Variants in MYO3B observed in about 807,000 individuals in gnomAD.
MYO3B encodes the protein myosin-IIIb.
Under a neutral mutation model 174.6 loss-of-function variants are expected in MYO3B, and 156 were observed. That is an observed-to-expected ratio of 0.89 (90% CI 0.78 to 1.02). The LOEUF (loss-of-function observed/expected upper bound fraction) is 1.02, where lower values mean the gene tolerates loss of function less well. Among genes scored for constraint, MYO3B ranks in the 50% least tolerant of loss-of-function variants. The pLI, the probability that MYO3B is intolerant of heterozygous loss-of-function variation, is 0.00. For missense variants in MYO3B, 1,632 were observed against 1,639.4 expected, an observed-to-expected ratio of 1.00 and a Z score of 0.08; for synonymous variants, 563 against 569.1, an observed-to-expected ratio of 0.99 and a Z score of 0.15.
chr2:170,391,426 A>G (rs576769253), intron 14 of MYO3B, 94 bp from the exon 15 acceptor site: 11 of 585,336 alleles, frequency 1.9e-5, no homozygotes, highest in East Asian at 1.3e-4. Context: ...CAAATTTGCC[A>G]TGGAATAATC....
intron 32 of MYO3B, among the ~76,000 whole-genome samples, chr2:170,595,119 C>T (rs1694061513): frequency 6.6e-6 from 1 of 152,092 alleles, no homozygotes; most frequent in Non-Finnish European, 1.5e-5. Flanking sequence ...ACTTACCCCC[C>T]CACAAACCTA....
intron 32 of MYO3B, among the ~76,000 whole-genome samples, chr2:170,580,910 A>T (rs765140922): frequency 2.6e-5 from 4 of 151,992 alleles, no homozygotes; most frequent in Non-Finnish European, 4.4e-5. Context: ...CTACAACACA[A>T]TATTCTCTTT....
intron 32 of MYO3B, among the ~76,000 whole-genome samples, chr2:170,550,481 TG>T (rs1004649633): frequency 6.6e-6 from 1 of 152,224 alleles, no homozygotes; most frequent in Non-Finnish European, 1.5e-5. Context: ...GCTGCTGGTC[TG>T]GGGACTTCCC....
chr2:170,584,736 A>C (rs991023754), intron 32 of MYO3B, among the ~76,000 whole-genome samples: 9 of 152,264 alleles, frequency 5.9e-5, no homozygotes, highest in African/African-American at 2.2e-4. Context: ...AGAAGGCAAT[A>C]AGCTTAAGTT....
Position 170,597,545 on chromosome 2 carries a change from A to C in MYO3B, c.3733+53557A>C, listed in dbSNP as rs532543496. 4.6e-5 allele frequency among the ~76,000 whole-genome samples: 7 copies of C among 151,946 alleles called. No homozygotes were observed. In the South Asian group the frequency reaches 1.5e-3, roughly 32 times the overall value. On this transcript the variant is annotated intron_variant, in intron 32 of 34. Transcript: ENST00000408978. ...GCCTATTGTCCATGCTGGGTTCTCA[A>C]CCCTCCCATCAATTCTATGATTCCC...
chr2:170,381,910 T>C lies in MYO3B; in HGVS notation c.972-106T>C, dbSNP rs374645462. On this transcript the variant is annotated intron_variant, in intron 9 of 34. Coordinates refer to ENST00000408978, the MANE Select transcript of MYO3B (RefSeq NM_138995.5). Reference sequence around the variant, plus strand: ...ACTTCCTGTCCCTGTCTCTGAAGTCTCTGAACATATCACGTGATAAGATTG... The same window carrying C: ...ACTTCCTGTCCCTGTCTCTGAAGTCCCTGAACATATCACGTGATAAGATTG... The C allele has an allele frequency of 4.4e-6, 4 of 909,542 alleles. No individual in the cohort carries two copies. In the Admixed American group the frequency reaches 5.7e-5, roughly 13 times the overall value. 56.3% of individuals were successfully genotyped at this position (909,542 alleles called of 1,614,324 possible). A position where few individuals can be genotyped will look rare whatever the true frequency, so the allele number is the denominator to read the frequency against.
At chr2:170,486,299 C>CTTTTTTTTTTTTTTTTTTTTTTTTTT (rs10715918) in intron 25 of MYO3B, among the ~76,000 whole-genome samples, 1 of 99,188 alleles carries the variant, frequency 1.0e-5, no homozygotes. Context: ...AGAATCCATT[C>CTTTTTTTTTTTTTTTTTTTTTTTTTT]TTTTTTTTTT....
chr2:170,581,031 A>G (rs944988730), intron 32 of MYO3B, among the ~76,000 whole-genome samples: 5 of 152,108 alleles, frequency 3.3e-5, no homozygotes, highest in African/African-American at 1.2e-4. Flanking sequence ...TCTGGGGTAT[A>G]TATCTCCCTA....
intron 8 of MYO3B, chr2:170,349,805 AAAAAAAAAG>A (rs1163603573): frequency 6.6e-6 from 1 of 152,024 alleles, no homozygotes; most frequent in Non-Finnish European, 1.5e-5. Flanking sequence ...CTCAAAAAAA[AAAAAAAAAG>A]AAAGAAAGAA....
chr2:170,651,237 G>GC (rs1698992406), intron 32 of MYO3B, among the ~76,000 whole-genome samples: 4 of 152,106 alleles, frequency 2.6e-5, no homozygotes, highest in Non-Finnish European at 4.4e-5. Context: ...AGATGTTTTT[G>GC]AACTCTCATT....
At chr2:170,626,782 G>T (rs963306011) in intron 32 of MYO3B, among the ~76,000 whole-genome samples, 1 of 152,138 alleles carries the variant, frequency 6.6e-6, no homozygotes, top group Non-Finnish European at 1.5e-5. Flanking sequence ...GTCTGTAAAG[G>T]ATTTTATTTC....
At position 170,468,001 on chromosome 2, in the gene MYO3B, T is replaced by C. The variant is rs567866513; in HGVS notation, c.3014+1290T>C. On this transcript the variant is annotated intron_variant, in intron 25 of 34. Transcript: ENST00000408978. ...TTTTTTGTAACAATGTTTGAATACA[T>C]AAAAATATTTAAGAAAACAGGTCAA... 3.9e-5 allele frequency among the ~76,000 whole-genome samples: 6 copies of C among 152,184 alleles called. No individual in the cohort carries two copies. In the East Asian group the frequency reaches 1.2e-3, roughly 29 times the overall value.
intron 7 of MYO3B, among the ~76,000 whole-genome samples, chr2:170,272,354 C>T (rs550365502): frequency 3.3e-5 from 5 of 152,224 alleles, no homozygotes; most frequent in African/African-American, 9.6e-5. Context: ...TGGTGTAACC[C>T]TCATCAGTCT....
At chr2:170,395,763 A>G (rs1400748918) in intron 16 of MYO3B, among the ~76,000 whole-genome samples, 3 of 152,198 alleles carry the variant, frequency 2.0e-5, no homozygotes, top group African/African-American at 7.2e-5. Flanking sequence ...TACAAAAAAG[A>G]AAGAAAGGAA....
intron 22 of MYO3B, among the ~76,000 whole-genome samples, chr2:170,426,304 A>G (rs1170652457): frequency 6.7e-6 from 1 of 149,890 alleles, no homozygotes; most frequent in Non-Finnish European, 1.5e-5. Context: ...GTGCCACTGC[A>G]CTCTAGCCTG....
chr2:170,570,367 G>T (rs565958453), intron 32 of MYO3B, among the ~76,000 whole-genome samples: 2 of 152,184 alleles, frequency 1.3e-5, no homozygotes, highest in African/African-American at 4.8e-5. Flanking sequence ...CTTCTTTTAC[G>T]CTAGGAAACC....
chr2:170,529,008 TA>T (rs1367142494), intron 30 of MYO3B, among the ~76,000 whole-genome samples: 1 of 152,258 alleles, frequency 6.6e-6, no homozygotes, highest in Non-Finnish European at 1.5e-5. Flanking sequence ...AAACTTCATC[TA>T]AAACTGAATC....
intron 7 of MYO3B, among the ~76,000 whole-genome samples, chr2:170,295,208 T>A (rs573532264): frequency 2.6e-5 from 4 of 151,422 alleles, no homozygotes; most frequent in African/African-American, 4.8e-5. Context: ...TATTTGGATT[T>A]AAAAAAAAAT....
At chr2:170,432,835 A>G (rs555966001) in intron 22 of MYO3B, among the ~76,000 whole-genome samples, 4 of 152,250 alleles carry the variant, frequency 2.6e-5, no homozygotes, top group Admixed American at 1.3e-4. Context: ...TCGGCCTCCT[A>G]AAGTGCTGGG....
Sources: allele counts gnomAD v4.1 joint callset (sites outside exome capture counted in the v4.1 genomes callset), GRCh38; gene constraint gnomAD v4.1.1; transcripts MANE v1.5; gene names NCBI Gene and HGNC (gene_info 2026-07-23, HGNC 2026-07-21).